Variants in SLC12A7 observed in about 807,000 individuals in gnomAD.
The protein encoded by SLC12A7 is K-Cl cotransporter 4.
A neutral mutation model predicts 120.6 loss-of-function variants in SLC12A7; 100 were observed. That is an observed-to-expected ratio of 0.83 (90% CI 0.71 to 0.98). The LOEUF (loss-of-function observed/expected upper bound fraction) is 0.98. Among genes scored for constraint, SLC12A7 ranks in the 50% least tolerant of loss-of-function variants. SLC12A7 has a pLI of 0.00. For synonymous variants in SLC12A7, 760 were observed against 678.0 expected, an observed-to-expected ratio of 1.12 and a Z score of -1.88; for missense variants, 1,373 against 1,548.1, an observed-to-expected ratio of 0.89 and a Z score of 1.90.
In SLC12A7 at chr5:1,111,883, C is replaced by A; in HGVS notation, c.109G>T (p.Glu37Ter). The change falls in exon 1 of 24, where the codon GAG (glutamate) becomes TAG (stop). Residue 37 changes from glutamate (E) to a stop codon, truncating the protein, a stop_gained. Coordinates refer to ENST00000264930, the MANE Select transcript of SLC12A7 (RefSeq NM_006598.3). LOFTEE classifies it high-confidence loss of function. ...CCGCGCTCACCCGGGCTGGGGCGCT[C>A]GGGCTCGGGGCCCTCGGGGGTGCCC... Reference protein sequence around the residue: ...APGTPEGPEPERPSPGDGNPR... With the variant: ...APGTPEGPEP 8.2e-7 allele frequency: 1 copy of A among 1,221,788 alleles called. No individual in the cohort carries two copies. Among genetic ancestry groups the A allele is most frequent in the South Asian group, 3.7e-5 (1 of 27,038 alleles). The allele number at this position is 1,221,788 out of a possible 1,614,324, so 75.7% of individuals were successfully genotyped here. A position where few individuals can be genotyped will look rare whatever the true frequency, so the allele number is the denominator to read the frequency against.
At chr5:1,092,839 A>G (rs1350317496) in intron 3 of SLC12A7, among the ~76,000 whole-genome samples, 1 of 152,132 alleles carries the variant, frequency 6.6e-6, no homozygotes, top group Non-Finnish European at 1.5e-5. Flanking sequence ...GCACCCCCAC[A>G]GCGAGGACCT....
intron 19 of SLC12A7, 38 bp from the exon 20 acceptor site, chr5:1,064,013 G>A (rs1488351614): frequency 6.2e-7 from 1 of 1,607,556 alleles, no homozygotes; most frequent in African/African-American, 1.3e-5. Context: ...GGCCTCAGAG[G>A]AGCCCGTCCC....
At chr5:1,060,266 AG>A in intron 21 of SLC12A7, 77 bp downstream of exon 21, 8 of 1,094,256 alleles carry the variant, frequency 7.3e-6, no homozygotes, top group Non-Finnish European at 1.1e-5. Flanking sequence ...GGGCTGCAGG[AG>A]GGTCCCAGAA....
chr5:1,060,900 C>G (rs1006825535), intron 20 of SLC12A7, among the ~76,000 whole-genome samples: 4 of 152,198 alleles, frequency 2.6e-5, no homozygotes, highest in Non-Finnish European at 4.4e-5. Flanking sequence ...CATGCAGGAC[C>G]CTGGGTCTCA....
In SLC12A7 at chr5:1,076,690, T is replaced by C; in HGVS notation, c.1748+4A>G. On this transcript the variant is annotated splice_donor_region_variant and intron_variant, in intron 13 of 23. Coordinates refer to ENST00000264930, the MANE Select transcript of SLC12A7 (RefSeq NM_006598.3). Reference sequence around the variant, plus strand: ...CCCCAGGTCCCCGTCCTGTGGGGGCTCACATGGAGAGGATCGGGGCCACGC... The same window carrying C: ...CCCCAGGTCCCCGTCCTGTGGGGGCCCACATGGAGAGGATCGGGGCCACGC... 6.2e-7 allele frequency: 1 copy of C among 1,605,770 alleles called. No individual in the cohort carries two copies. Among genetic ancestry groups the C allele is most frequent in the East Asian group, 2.2e-5 (1 of 44,800 alleles).
Position 1,083,972 on chromosome 5 carries a change from A to G in SLC12A7, c.918-16T>C. The G allele has an allele frequency of 6.3e-7, 1 of 1,596,528 alleles. No homozygotes were observed. Among genetic ancestry groups the G allele is most frequent in the East Asian group, 2.2e-5 (1 of 44,848 alleles). ...GAGGCAGACCCTGGGCGGGACAGGGAGGCACGGCACGTGTGCTGCCACCGA... is the reference window on the plus strand; with the variant it reads ...GAGGCAGACCCTGGGCGGGACAGGGGGGCACGGCACGTGTGCTGCCACCGA... On this transcript the variant is annotated splice_polypyrimidine_tract_variant and intron_variant, in intron 7 of 23. Coordinates refer to ENST00000264930, the MANE Select transcript of SLC12A7 (RefSeq NM_006598.3).
At chr5:1,124,692 C>T in the SLC12A7 span, among the ~76,000 whole-genome samples, 1 of 152,142 alleles carries the variant, frequency 6.6e-6, no homozygotes, top group African/African-American at 2.4e-5. Context: ...CGCAGCAGAC[C>T]TGGACCATCA....
intron 5 of SLC12A7, among the ~76,000 whole-genome samples, chr5:1,087,755 G>A (rs916616194): frequency 2.6e-5 from 4 of 152,348 alleles, no homozygotes; most frequent in Admixed American, 2.6e-4. Context: ...AGCAGACGTG[G>A]CAGCGTCTCC....
chr5:1,104,618 C>T (rs997561272), intron 1 of SLC12A7, among the ~76,000 whole-genome samples: 8 of 152,208 alleles, frequency 5.3e-5, no homozygotes, highest in African/African-American at 9.6e-5. Flanking sequence ...CAGGCCTGGG[C>T]GGGGCCCACT....
chr5:1,091,384 C>T (rs771109321), intron 3 of SLC12A7, among the ~76,000 whole-genome samples: 3 of 152,226 alleles, frequency 2.0e-5, no homozygotes, highest in African/African-American at 7.2e-5. Context: ...GCTGGATGTC[C>T]AGGCCAGTGG....
chr5:1,140,072 C>T, the SLC12A7 span, among the ~76,000 whole-genome samples: 2 of 152,160 alleles, frequency 1.3e-5, no homozygotes, highest in Non-Finnish European at 2.9e-5. Flanking sequence ...GCTCCGAGGT[C>T]GGTGACCAGG....
At chr5:1,127,743 C>G in the SLC12A7 span, among the ~76,000 whole-genome samples, 2 of 152,200 alleles carry the variant, frequency 1.3e-5, no homozygotes, top group African/African-American at 2.4e-5. Flanking sequence ...AACTTTGCCC[C>G]CCTCCTGCAC....
intron 17 of SLC12A7, among the ~76,000 whole-genome samples, chr5:1,066,148 G>A (rs1331060223): frequency 2.6e-5 from 4 of 152,212 alleles, no homozygotes; most frequent in African/African-American, 9.6e-5. Flanking sequence ...GAACCCCAGG[G>A]CCTGCCCTGC....
In SLC12A7 at chr5:1,063,863, T is replaced by C. The variant is rs762012486; in HGVS notation, c.2720A>G (p.Glu907Gly). The C allele has an allele frequency of 4.3e-5, 61 of 1,420,896 alleles. No individual in the cohort carries two copies. Among genetic ancestry groups the C allele is most frequent in the Non-Finnish European group, 5.3e-5 (57 of 1,066,540 alleles). The allele number at this position is 1,420,896 out of a possible 1,614,324, so 88.0% of individuals were successfully genotyped here. Residue 907 changes from glutamate (E) to glycine (G), a missense_variant, in exon 20 of 24, where the codon GAG becomes GGG. By Grantham distance (98) the Glu-to-Gly change is moderately conservative. Transcript: ENST00000264930. Reference protein sequence around the residue: ...MFLYHLRISAEVEVVEMVEND... With the variant: ...MFLYHLRISAGVEVVEMVEND... ...ACTCACCATCTCCACCACCTCCACC[T>C]CGGCGCTGATGCGCAAGTGGTACAA...
chr5:1,096,450 C>A (rs991683437), intron 1 of SLC12A7, among the ~76,000 whole-genome samples: 8 of 152,022 alleles, frequency 5.3e-5, no homozygotes, highest in Admixed American at 4.6e-4. Context: ...GTCTAAATGT[C>A]TTTCCCATCA....
chr5:1,122,613 C>A, the SLC12A7 span, among the ~76,000 whole-genome samples: 2 of 152,242 alleles, frequency 1.3e-5, no homozygotes, highest in African/African-American at 4.8e-5. Context: ...GAAGGCCTCT[C>A]CCCAGCCTGG....
the SLC12A7 span, among the ~76,000 whole-genome samples, chr5:1,125,923 C>CAAAAAAAA: frequency 2.3e-4 from 23 of 100,616 alleles, no homozygotes; most frequent in African/African-American, 7.3e-4. Flanking sequence ...GGCCCTGCCT[C>CAAAAAAAA]AAAAAAAAAA....
chr5:1,064,060 C>T (rs772643043), intron 19 of SLC12A7, 23 bp downstream of exon 19: 12 of 1,600,070 alleles, frequency 7.5e-6, no homozygotes, highest in Middle Eastern at 1.7e-4. Flanking sequence ...CTCCGGCTGG[C>T]GTGTCCCCGT....
At chr5:1,145,072 C>T in the SLC12A7 span, among the ~76,000 whole-genome samples, 3 of 152,258 alleles carry the variant, frequency 2.0e-5, no homozygotes, top group African/African-American at 2.4e-5. This position sits in a 1 kb window ranked among gnomAD's most constrained non-coding sequence, Gnocchi z 4.4. Flanking sequence ...GCCTGGAGGG[C>T]TGGAGAGAGC....
Sources: gnomAD v4.1 joint callset for allele counts (sites outside exome capture counted in the v4.1 genomes callset) on GRCh38, gnomAD v4.1.1 for gene constraint, Gnocchi (gnomAD v3.1) non-coding constraint, MANE v1.5 for transcripts, NCBI Gene and HGNC (gene_info 2026-07-23, HGNC 2026-07-21) for gene names.